The following FOXP1 variants were observed in gnomAD, a reference collection of about 807,000 sequenced individuals.
FOXP1 encodes forkhead box protein P1.
In FOXP1, 15 loss-of-function variants were observed where a neutral mutation model predicts 98.2. The observed-to-expected ratio is 0.15, with a 90% CI of 0.10 to 0.24. The LOEUF (loss-of-function observed/expected upper bound fraction) is 0.24. FOXP1 is among the 10% of genes least tolerant of loss of function. The pLI, the probability that FOXP1 is intolerant of heterozygous loss-of-function variation, is 1.00. For synonymous variants in FOXP1, 371 were observed against 314.5 expected (o/e 1.18, Z -1.90); for missense variants, 633 against 848.5 (o/e 0.75, Z 3.15).
At chr3:71,010,158 A>AT (rs2043378975) in intron 12 of FOXP1, among the ~76,000 whole-genome samples, 1 of 152,128 alleles carries the variant, frequency 6.6e-6, no homozygotes, top group Admixed American at 6.6e-5. Context: ...TTCAAAGAAC[A>AT]TATTAATAAT....
At chr3:71,372,996 TA>T (rs570704916) in intron 3 of FOXP1, among the ~76,000 whole-genome samples, 1 of 152,204 alleles carries the variant, frequency 6.6e-6, no homozygotes, top group South Asian at 2.1e-4. Flanking sequence ...AACTTCTTTT[TA>T]ATGTCACTCA....
chr3:71,185,800 TATACTTACC>T (rs1194477453), intron 6 of FOXP1, among the ~76,000 whole-genome samples: 2 of 152,228 alleles, frequency 1.3e-5, no homozygotes, highest in Admixed American at 1.3e-4. Context: ...TAGTTCAGTG[TATACTTACC>T]ATCCATTATC....
At chr3:71,454,798 A>AC (rs945418475) in intron 3 of FOXP1, among the ~76,000 whole-genome samples, 2 of 56,092 alleles carry the variant, frequency 3.6e-5, no homozygotes, top group Non-Finnish European at 1.3e-4. Context: ...TTTCTTTAAA[A>AC]AAAAAAACAA....
chr3:71,305,526 T>C (rs2074210186), intron 4 of FOXP1: 1 of 152,240 alleles, frequency 6.6e-6, no homozygotes, highest in Non-Finnish European at 1.5e-5. Context: ...GTTTCTGTTT[T>C]CTTACAGTTC....
chr3:71,110,339 A>G (rs2107730880), intron 7 of FOXP1, among the ~76,000 whole-genome samples: 1 of 152,322 alleles, frequency 6.6e-6, no homozygotes, highest in East Asian at 1.9e-4. Context: ...GTGTGATCAG[A>G]CAGATTGTGT....
At chr3:70,968,627 T>C (rs1200038986) in intron 19 of FOXP1, 1 of 152,208 alleles carries the variant, frequency 6.6e-6, no homozygotes, top group Non-Finnish European at 1.5e-5. Context: ...ACTTCACTTT[T>C]CAGAGCATAA....
intron 6 of FOXP1, among the ~76,000 whole-genome samples, chr3:71,178,138 CTTTT>C (rs566282356): frequency 0.022 from 2,425 of 111,898 alleles, 76 homozygotes; most frequent in African/African-American, 0.067. Context: ...CCCAGTCAGT[CTTTT>C]TTTTTTTTTT....
intron 2 of FOXP1, among the ~76,000 whole-genome samples, chr3:71,555,615 A>G (rs2046068838): frequency 6.6e-6 from 1 of 152,112 alleles, no homozygotes; most frequent in Non-Finnish European, 1.5e-5. Flanking sequence ...TATAATCCAC[A>G]TTTTCATGTA....
intron 5 of FOXP1, among the ~76,000 whole-genome samples, chr3:71,259,569 T>C (rs1041756328): frequency 6.6e-6 from 1 of 152,138 alleles, no homozygotes; most frequent in Non-Finnish European, 1.5e-5. Flanking sequence ...CTAAACCCTA[T>C]GGGCGTCTGG....
intron 3 of FOXP1, among the ~76,000 whole-genome samples, chr3:71,419,451 A>G (rs969952221): frequency 1.3e-5 from 2 of 152,120 alleles, no homozygotes; most frequent in African/African-American, 4.8e-5. Context: ...GAAAAAAAAA[A>G]AGTAGATGTT....
At chr3:71,432,637 C>T (rs1002327161) in intron 3 of FOXP1, among the ~76,000 whole-genome samples, 6 of 152,048 alleles carry the variant, frequency 3.9e-5, no homozygotes, top group African/African-American at 1.4e-4. Flanking sequence ...ACACCCTGGG[C>T]GCCTGCAGCA....
At chr3:70,962,224 T>C (rs543361075) in intron 20 of FOXP1, among the ~76,000 whole-genome samples, 2 of 152,364 alleles carry the variant, frequency 1.3e-5, no homozygotes, top group South Asian at 4.1e-4. Context: ...TGTTGACATA[T>C]GTCAGTTTCT....
chr3:71,238,049 G>A (rs1434519133), intron 5 of FOXP1, among the ~76,000 whole-genome samples: 2 of 152,154 alleles, frequency 1.3e-5, no homozygotes, highest in Non-Finnish European at 2.9e-5. Flanking sequence ...AGGTAACTAC[G>A]AAAGGCTTTA....
At chr3:71,040,776 CAGCCACCACCACCACT>C in intron 11 of FOXP1, among the ~76,000 whole-genome samples, 1 of 152,264 alleles carries the variant, frequency 6.6e-6, no homozygotes, top group East Asian at 1.9e-4. Context: ...CCACCTCCAC[CAGCCACCACCACCACT>C]ACCTCTTCTG....
chr3:71,169,630 T>C (rs1226747345), intron 6 of FOXP1, among the ~76,000 whole-genome samples: 4 of 150,312 alleles, frequency 2.7e-5, no homozygotes, highest in Non-Finnish European at 4.4e-5. Context: ...CAAATGTATC[T>C]TCATCTTATA....
intron 4 of FOXP1, among the ~76,000 whole-genome samples, chr3:71,336,215 C>T (rs1213745669): frequency 1.3e-5 from 2 of 151,778 alleles, no homozygotes; most frequent in Non-Finnish European, 2.9e-5. Flanking sequence ...TTGAAATCTA[C>T]TAACATGTTT....
chr3:70,961,644 T>C (rs2033550304), intron 20 of FOXP1, among the ~76,000 whole-genome samples: 2 of 152,210 alleles, frequency 1.3e-5, no homozygotes, highest in South Asian at 4.1e-4. Context: ...TTTTTTTTAA[T>C]GGCTGTATTA....
At chr3:71,440,194 T>C (rs6796322) in intron 3 of FOXP1, among the ~76,000 whole-genome samples, 5,446 of 152,210 alleles carry the variant, frequency 0.036, 152 homozygotes, top group Non-Finnish European at 0.051. Context: ...AATATGAATA[T>C]ACTTAACACA....
At chr3:71,118,765 T>C (rs542909943) in intron 6 of FOXP1, among the ~76,000 whole-genome samples, 2 of 152,366 alleles carry the variant, frequency 1.3e-5, no homozygotes, top group Admixed American at 1.3e-4. Flanking sequence ...AAAATAAGAT[T>C]ATATTATGAC....
Sources: gnomAD v4.1 joint callset for allele counts (sites outside exome capture counted in the v4.1 genomes callset) on GRCh38, gnomAD v4.1.1 for gene constraint, MANE v1.5 for transcripts, NCBI Gene and HGNC (gene_info 2026-07-23, HGNC 2026-07-21) for gene names.